The following WDR70 variants were observed in gnomAD, a reference collection of about 807,000 sequenced individuals.
WDR70 encodes the protein WD repeat domain 70, also known as WD repeat-containing protein 70.
In WDR70, 53 loss-of-function variants were observed where a neutral mutation model predicts 88.6. The ratio of observed to expected loss-of-function variants is 0.60; its 90% CI spans 0.48 to 0.75. The LOEUF (loss-of-function observed/expected upper bound fraction) is 0.75. Ranked by LOEUF, WDR70 falls within the 30% of genes least tolerant of loss-of-function variation. The probability of loss-of-function intolerance (pLI) is 0.00; values close to 1 mark genes in which losing one functional copy is unlikely to be tolerated. For missense variants in WDR70, 610 were observed against 823.2 expected (o/e 0.74, Z 3.17); for synonymous variants, 280 against 270.0 (o/e 1.04, Z -0.36).
chr5:37,730,541 A>T (rs144241077), intron 17 of WDR70, among the ~76,000 whole-genome samples: 96 of 152,214 alleles, frequency 6.3e-4, no homozygotes, highest in African/African-American at 2.2e-3. Flanking sequence ...ATTGATTTTC[A>T]TAGTTGCATA....
At chr5:37,471,261 A>C (rs978811908) in intron 7 of WDR70, among the ~76,000 whole-genome samples, 2 of 150,716 alleles carry the variant, frequency 1.3e-5, no homozygotes, top group African/African-American at 5.0e-5. Context: ...AAGTTACCTT[A>C]CATCTTTGCC....
chr5:37,681,480 T>C (rs770207329), intron 10 of WDR70, among the ~76,000 whole-genome samples: 6 of 152,204 alleles, frequency 3.9e-5, no homozygotes, highest in Non-Finnish European at 8.8e-5. Context: ...ATAGGAGTAA[T>C]GAGAAATGGC....
chr5:37,519,784 A>G (rs570328491), intron 9 of WDR70, among the ~76,000 whole-genome samples: 3 of 152,386 alleles, frequency 2.0e-5, no homozygotes, highest in African/African-American at 4.8e-5. Flanking sequence ...TGTTTTGGAT[A>G]TATACCCAGC....
At chr5:37,546,209 A>T (rs1317629641) in intron 9 of WDR70, among the ~76,000 whole-genome samples, 2 of 150,886 alleles carry the variant, frequency 1.3e-5, no homozygotes, top group African/African-American at 5.0e-5. Flanking sequence ...TATTTTTATC[A>T]TACGTTTAAT....
At chr5:37,483,783 A>T (rs1417088477) in intron 8 of WDR70, among the ~76,000 whole-genome samples, 1 of 145,480 alleles carries the variant, frequency 6.9e-6, no homozygotes, top group Non-Finnish European at 1.5e-5. Flanking sequence ...CTGACCCCCC[A>T]CCTCCCTCCC....
intron 10 of WDR70, among the ~76,000 whole-genome samples, chr5:37,679,247 C>G (rs1746343470): frequency 6.6e-6 from 1 of 152,230 alleles, no homozygotes; most frequent in Non-Finnish European, 1.5e-5. Context: ...GTGTCATTCT[C>G]CGTCCAGCTT....
chr5:37,491,833 T>C (rs888127169), intron 8 of WDR70, among the ~76,000 whole-genome samples: 4 of 152,226 alleles, frequency 2.6e-5, no homozygotes, highest in African/African-American at 9.6e-5. Flanking sequence ...GTATTAATAA[T>C]AGATATAACT....
At chr5:37,736,893 A>C (rs773791415) in intron 17 of WDR70, among the ~76,000 whole-genome samples, 1 of 152,172 alleles carries the variant, frequency 6.6e-6, no homozygotes, top group East Asian at 1.9e-4. Context: ...GAAAACAAGC[A>C]ACAAATTATT....
At chr5:37,414,102 G>A (rs1749615339) in intron 5 of WDR70, among the ~76,000 whole-genome samples, 1 of 139,462 alleles carries the variant, frequency 7.2e-6, no homozygotes, top group African/African-American at 2.7e-5. Context: ...CCTTGATTGC[G>A]CATTGCACTC....
At chr5:37,422,932 G>A (rs1481222337) in intron 5 of WDR70, among the ~76,000 whole-genome samples, 2 of 152,088 alleles carry the variant, frequency 1.3e-5, no homozygotes, top group Non-Finnish European at 2.9e-5. Flanking sequence ...CTGGCCAAAT[G>A]TGAAAACTTT....
At position 37,389,455 on chromosome 5, in the gene WDR70, G is replaced by A. The variant is rs544927662; in HGVS notation, c.176-2545G>A. 1.1e-4 allele frequency among the ~76,000 whole-genome samples: 16 copies of A among 151,914 alleles called. 1 individual carries two copies. Among genetic ancestry groups the A allele is most frequent in the African/African-American group, 3.9e-4 (16 of 41,428 alleles). Reference sequence around the variant, plus strand: ...AGACGGAGTCTTGCTCTGTTGCCCAGGCTGGAGTGCAGTGGTGCCATCTCC... The same window carrying A: ...AGACGGAGTCTTGCTCTGTTGCCCAAGCTGGAGTGCAGTGGTGCCATCTCC... On this transcript the variant is annotated intron_variant, in intron 3 of 17. Coordinates refer to ENST00000265107, the MANE Select transcript of WDR70 (RefSeq NM_018034.4).
intron 17 of WDR70, among the ~76,000 whole-genome samples, chr5:37,729,390 ATG>A (rs1490917926): frequency 6.6e-6 from 1 of 152,212 alleles, no homozygotes; most frequent in African/African-American, 2.4e-5. Flanking sequence ...GTGTTTCTGA[ATG>A]TATCAATCTG....
At chr5:37,567,059 T>A (rs1742765816) in intron 9 of WDR70, among the ~76,000 whole-genome samples, 1 of 152,182 alleles carries the variant, frequency 6.6e-6, no homozygotes, top group Non-Finnish European at 1.5e-5. Flanking sequence ...CCTAATAAGC[T>A]GTTTTCTCAA....
At chr5:37,598,317 G>C (rs1196668520) in intron 9 of WDR70, among the ~76,000 whole-genome samples, 2 of 152,122 alleles carry the variant, frequency 1.3e-5, no homozygotes, top group Admixed American at 6.5e-5. Context: ...GACATAAAGT[G>C]TCATTATTTG....
chr5:37,514,766 C>T (rs1740835646), intron 8 of WDR70, among the ~76,000 whole-genome samples: 1 of 152,018 alleles, frequency 6.6e-6, no homozygotes, highest in Non-Finnish European at 1.5e-5. Context: ...CCTGTAATCC[C>T]AGCACTTTGG....
chr5:37,625,023 T>A (rs904971750), intron 10 of WDR70, among the ~76,000 whole-genome samples: 1 of 152,164 alleles, frequency 6.6e-6, no homozygotes, highest in Non-Finnish European at 1.5e-5. Flanking sequence ...GGAATAGGGG[T>A]TCTGGTTTCT....
intron 5 of WDR70, among the ~76,000 whole-genome samples, chr5:37,399,305 C>T (rs761509628): frequency 1.3e-5 from 2 of 152,022 alleles, no homozygotes; most frequent in Non-Finnish European, 2.9e-5. Context: ...ATTAGCCAGG[C>T]ATGGTGACAG....
chr5:37,442,939 T>G (rs547963787), intron 6 of WDR70, among the ~76,000 whole-genome samples: 1 of 152,332 alleles, frequency 6.6e-6, no homozygotes, highest in African/African-American at 2.4e-5. Context: ...TAAAGCAACT[T>G]AGTTTATCTT....
intron 13 of WDR70, among the ~76,000 whole-genome samples, chr5:37,715,825 A>AT (rs914502898): frequency 4.0e-5 from 6 of 151,854 alleles, no homozygotes; most frequent in East Asian, 1.9e-4. Context: ...TTTCTCCAGT[A>AT]TTTTTTTTGT....
Sources: gnomAD v4.1 joint callset for allele counts (sites outside exome capture counted in the v4.1 genomes callset) on GRCh38, gnomAD v4.1.1 for gene constraint, MANE v1.5 for transcripts, NCBI Gene and HGNC (gene_info 2026-07-23, HGNC 2026-07-21) for gene names.